The following NALF1 variants were observed in gnomAD, a reference collection of about 807,000 sequenced individuals.
The protein encoded by NALF1 is family with sequence similarity 155 member A.
A neutral mutation model predicts 48.4 loss-of-function variants in NALF1; 3 were observed. That is an observed-to-expected ratio of 0.06 (90% CI 0.03 to 0.16). The LOEUF (loss-of-function observed/expected upper bound fraction) is 0.16. Among genes scored for constraint, NALF1 ranks in the 10% least tolerant of loss-of-function variants. The pLI, the probability that NALF1 is intolerant of heterozygous loss-of-function variation, is 1.00. For synonymous variants in NALF1, 262 were observed against 245.7 expected (o/e 1.07, Z -0.62); for missense variants, 526 against 571.5 (o/e 0.92, Z 0.81).
chr13:107,182,679 T>C (rs1879092475), intron 2 of NALF1, among the ~76,000 whole-genome samples: 1 of 152,242 alleles, frequency 6.6e-6, no homozygotes, highest in Non-Finnish European at 1.5e-5. Flanking sequence ...TGAACTTATA[T>C]TTGTCTACTT....
intron 1 of NALF1, among the ~76,000 whole-genome samples, chr13:107,638,394 GATTC>G (rs573099939): frequency 2.6e-5 from 4 of 151,664 alleles, no homozygotes; most frequent in Admixed American, 2.6e-4. Context: ...AGGAAAGTAT[GATTC>G]ATTCATTCAT....
At chr13:107,467,940 C>T (rs1286496305) in intron 1 of NALF1, among the ~76,000 whole-genome samples, 3 of 150,220 alleles carry the variant, frequency 2.0e-5, no homozygotes, top group South Asian at 2.1e-4. Context: ...CCCAGCTACT[C>T]GGGAGGCTGA....
At chr13:107,569,625 G>A (rs1877926983) in intron 1 of NALF1, among the ~76,000 whole-genome samples, 1 of 152,190 alleles carries the variant, frequency 6.6e-6, no homozygotes, top group Non-Finnish European at 1.5e-5. Flanking sequence ...GGGGTGCACT[G>A]TATTGATTAC....
At chr13:107,513,869 G>A (rs1382737508) in intron 1 of NALF1, among the ~76,000 whole-genome samples, 1 of 152,300 alleles carries the variant, frequency 6.6e-6, no homozygotes, top group East Asian at 1.9e-4. Context: ...CCTAAAAGCA[G>A]GGCATAGTTT....
intron 1 of NALF1, among the ~76,000 whole-genome samples, chr13:107,756,785 C>T (rs1055237919): frequency 1.3e-5 from 2 of 152,072 alleles, no homozygotes; most frequent in Non-Finnish European, 2.9e-5. Flanking sequence ...GGAACCAGGA[C>T]CTACGCTCTC....
chr13:107,824,442 G>A (rs1879452943), intron 1 of NALF1, among the ~76,000 whole-genome samples: 1 of 152,160 alleles, frequency 6.6e-6, no homozygotes, highest in African/African-American at 2.4e-5. Context: ...CCTGCATTTT[G>A]GATGATGCGT....
chr13:107,624,289 A>C (rs1001415046), intron 1 of NALF1, among the ~76,000 whole-genome samples: 6 of 152,182 alleles, frequency 3.9e-5, no homozygotes, highest in African/African-American at 1.4e-4. Flanking sequence ...GGTTAAGTAC[A>C]TGTTACATGT....
chr13:107,469,614 T>C (rs1885063543), intron 1 of NALF1, among the ~76,000 whole-genome samples: 1 of 152,108 alleles, frequency 6.6e-6, no homozygotes, highest in Non-Finnish European at 1.5e-5. Context: ...AATATAAATA[T>C]TATGTAAATA....
chr13:107,384,775 C>G (rs1449448818), intron 1 of NALF1, among the ~76,000 whole-genome samples: 1 of 152,148 alleles, frequency 6.6e-6, no homozygotes, highest in African/African-American at 2.4e-5. Flanking sequence ...GAAGAAAGAT[C>G]TGTCTTTATC....
chr13:107,867,336 C>G lies in NALF1; in HGVS notation c.-740G>C, dbSNP rs1880773553. On this transcript the variant is annotated 5_prime_UTR_variant, in exon 1 of 3. Transcript: ENST00000375915. This position sits in a 1 kb window ranked among gnomAD's most constrained non-coding sequence, Gnocchi z 4.4. ...GCCGCCGCCGCCGCCGCCGCTGCCG[C>G]AGGGCCGCCCGCGGGCGCCGCCGCC... is the stretch of plus-strand genomic sequence containing the variant. Among the ~76,000 whole-genome samples the G allele has an allele frequency of 7.5e-6, 1 of 133,410 alleles. No homozygotes were observed. The highest frequency in any genetic ancestry group is 2.8e-5 in the African/African-American group (1 of 36,026). 87.5% of individuals were successfully genotyped at this position (133,410 alleles called of 152,430 possible). A position where few individuals can be genotyped will look rare whatever the true frequency, so the allele number is the denominator to read the frequency against.
intron 1 of NALF1, among the ~76,000 whole-genome samples, chr13:107,790,050 A>G (rs1475024310): frequency 6.6e-6 from 1 of 152,198 alleles, no homozygotes; most frequent in Non-Finnish European, 1.5e-5. Context: ...AATTACTGCT[A>G]TCTTACAATG....
intron 1 of NALF1, among the ~76,000 whole-genome samples, chr13:107,620,390 TTTAA>T (rs772649435): frequency 3.9e-5 from 6 of 152,218 alleles, no homozygotes; most frequent in Non-Finnish European, 5.9e-5. Context: ...CAGGAAAATC[TTTAA>T]TTGTGTGTGC....
chr13:107,308,551 A>G (rs1405531379), intron 1 of NALF1, among the ~76,000 whole-genome samples: 2 of 152,214 alleles, frequency 1.3e-5, no homozygotes, highest in East Asian at 3.9e-4. Context: ...AATTTTAAAA[A>G]GGAAATTGAG....
At chr13:107,485,338 AC>A (rs1427590103) in intron 1 of NALF1, among the ~76,000 whole-genome samples, 2 of 152,048 alleles carry the variant, frequency 1.3e-5, no homozygotes, top group African/African-American at 4.8e-5. Context: ...CAACCTCAAT[AC>A]TTGGATCCCA....
At chr13:107,454,607 G>T (rs983934076) in intron 1 of NALF1, among the ~76,000 whole-genome samples, 3 of 152,108 alleles carry the variant, frequency 2.0e-5, no homozygotes, top group Admixed American at 2.0e-4. Flanking sequence ...GAGACACAAA[G>T]TCTAACCATA....
chr13:107,325,887 T>TATATATATATATAC (rs752320518), intron 1 of NALF1, among the ~76,000 whole-genome samples: 9 of 58,910 alleles, frequency 1.5e-4, no homozygotes, highest in Non-Finnish European at 2.5e-4. Flanking sequence ...TATATATATA[T>TATATATATATATAC]ACACACACAC....
chr13:107,657,439 C>T (rs1476086805), intron 1 of NALF1, among the ~76,000 whole-genome samples: 2 of 152,038 alleles, frequency 1.3e-5, no homozygotes, highest in East Asian at 1.9e-4. Flanking sequence ...TATGTTTGCA[C>T]GGGTGTGTGT....
chr13:107,752,770 A>G (rs1029106575), intron 1 of NALF1, among the ~76,000 whole-genome samples: 4 of 152,220 alleles, frequency 2.6e-5, no homozygotes, highest in Non-Finnish European at 5.9e-5. Flanking sequence ...CAGCACAAGA[A>G]GGAAACTCAA....
intron 1 of NALF1, among the ~76,000 whole-genome samples, chr13:107,311,418 C>T (rs1050450664): frequency 2.0e-5 from 3 of 152,076 alleles, no homozygotes; most frequent in Non-Finnish European, 2.9e-5. Context: ...TATCTCAGAA[C>T]TTTAAAACCT....
Sources: allele counts gnomAD v4.1 joint callset (sites outside exome capture counted in the v4.1 genomes callset), GRCh38; gene constraint gnomAD v4.1.1; non-coding constraint Gnocchi (gnomAD v3.1); transcripts MANE v1.5; gene names NCBI Gene and HGNC (gene_info 2026-07-23, HGNC 2026-07-21).